Variants in PRDM9 observed in about 807,000 individuals in gnomAD.
The protein encoded by PRDM9 is histone-lysine N-methyltransferase PRDM9.
Under a neutral mutation model 55.6 loss-of-function variants are expected in PRDM9, and 47 were observed. The ratio of observed to expected loss-of-function variants is 0.85; its 90% CI spans 0.67 to 1.08. PRDM9 has a LOEUF of 1.08. PRDM9 is among the 50% of genes least tolerant of loss of function. The pLI, the probability that PRDM9 is intolerant of heterozygous loss-of-function variation, is 0.00. For synonymous variants in PRDM9, 312 were observed against 375.7 expected (o/e 0.83, Z 1.96); for missense variants, 867 against 1,040.3 (o/e 0.83, Z 2.29).
intron 10 of PRDM9, among the ~76,000 whole-genome samples, chr5:23,524,817 T>G (rs191191536): frequency 3.3e-5 from 5 of 152,354 alleles, no homozygotes; most frequent in Admixed American, 6.5e-5. Flanking sequence ...CTCAAACACC[T>G]ACCAGCTCTC....
intron 4 of PRDM9, among the ~76,000 whole-genome samples, chr5:23,511,449 G>A (rs1212020248): frequency 3.3e-5 from 5 of 152,066 alleles, no homozygotes; most frequent in East Asian, 1.9e-4. Context: ...AAGTTCAAGC[G>A]ATTTTCCTGT....
Position 23,522,308 on chromosome 5 carries a change from C to T in PRDM9, c.513C>T (p.Leu171=). ...GTCTACTCTTCTCCAACCTAGAACT[C>T]AGGAAGAAGGAGACTGAAAGAAAGA... ...SGQHSRLKLE[L]RKKETERKMY... Residue 171 remains leucine, a synonymous_variant, in exon 7 of 11, where the codon CTC becomes CTT. Coordinates refer to ENST00000296682, the MANE Select transcript of PRDM9 (RefSeq NM_020227.4). The T allele has an allele frequency of 6.2e-7, 1 of 1,612,954 alleles. No individual in the cohort carries two copies. The highest frequency in any genetic ancestry group is 8.5e-7 in the Non-Finnish European group (1 of 1,179,020).
intron 6 of PRDM9, 121 bp downstream of exon 6, chr5:23,521,300 T>C: frequency 8.9e-7 from 1 of 1,122,688 alleles, no homozygotes; most frequent in Non-Finnish European, 1.3e-6. Context: ...GACTCAACTG[T>C]GAGACCAGAA....
At chr5:23,507,316 G>A (rs551534186), upstream of PRDM9, 1 of 152,386 alleles carries the variant, frequency 6.6e-6, no homozygotes, top group African/African-American at 2.4e-5. Context: ...CACCGGAGTT[G>A]GGGAAAACCA....
rs188847714 is a variant in PRDM9, at chr5:23,507,911, A to G, written c.-85+199A>G. On this transcript the variant is annotated intron_variant, in intron 1 of 10. Coordinates refer to ENST00000296682, the MANE Select transcript of PRDM9 (RefSeq NM_020227.4). The stretch of plus-strand genomic sequence containing the variant: ...ATCCCTTCACCCAGAGGAACAGCGA[A>G]TCTCCTAATGCTTAGAGCACCAAAT... Among the ~76,000 whole-genome samples the G allele has an allele frequency of 7.7e-3, 1,171 of 152,034 alleles. 10 individuals are homozygous for G. The highest frequency in any genetic ancestry group is 0.011 in the Non-Finnish European group (771 of 67,990).
chr5:23,516,345 G>A (rs1739208807), intron 4 of PRDM9, among the ~76,000 whole-genome samples: 1 of 152,014 alleles, frequency 6.6e-6, no homozygotes, highest in Admixed American at 6.6e-5. Context: ...AACTGATTTG[G>A]GGTGTTGATT....
rs1376126364 is a variant in PRDM9 at position 23,522,763 on chromosome 5, C to T, written c.760C>T (p.Pro254Ser). The change falls in exon 8 of 11, where the codon CCT becomes TCT. Residue 254 changes from proline (P) to serine (S), a missense_variant. Pro to Ser is a moderately conservative substitution (Grantham distance 74). Transcript: ENST00000296682. ...PGLRIGPSGI[P>S]QAGLGVWNEA... ...GCTGAGAATTGGGCCATCAGGCATC[C>T]CTCAGGCTGGGCTTGGAGTATGGAA... is the stretch of plus-strand genomic sequence containing the variant. 1 of 1,614,224 alleles carries T rather than the reference C, an allele frequency of 6.2e-7. No homozygotes were observed. Among genetic ancestry groups the T allele is most frequent in the East Asian group, 2.2e-5 (1 of 44,862 alleles).
Position 23,508,960 on chromosome 5 carries a change from C to A in PRDM9, c.-74C>A. The A allele has an allele frequency of 1.3e-6, 2 of 1,557,324 alleles. No homozygotes were observed. The highest frequency in any genetic ancestry group is 1.4e-5 in the African/African-American group (1 of 73,530). On this transcript the variant is annotated 5_prime_UTR_variant, in exon 2 of 11. Coordinates refer to ENST00000296682, the MANE Select transcript of PRDM9 (RefSeq NM_020227.4). Reference sequence around the variant, plus strand: ...CTTCTCCTTCCACAGGAGCCTTTGGCCTAGGAGCTGGGAGACTCAGGGCCC... The same window carrying A: ...CTTCTCCTTCCACAGGAGCCTTTGGACTAGGAGCTGGGAGACTCAGGGCCC...
chr5:23,519,827 C>A (rs1409114657), intron 5 of PRDM9, among the ~76,000 whole-genome samples: 1 of 151,124 alleles, frequency 6.6e-6, no homozygotes, highest in Admixed American at 6.6e-5. Context: ...GCAGATCACC[C>A]GAAGTCAGGA....
chr5:23,519,226 AT>A (rs995861621), intron 5 of PRDM9, among the ~76,000 whole-genome samples: 1 of 151,296 alleles, frequency 6.6e-6, no homozygotes, highest in Non-Finnish European at 1.5e-5. Flanking sequence ...TGCCCAGCTG[AT>A]TTTTACGTTT....
chr5:23,512,561 C>G lies in PRDM9; in HGVS notation c.301+2534C>G, dbSNP rs16874447. Among the ~76,000 whole-genome samples the G allele has an allele frequency of 7.7e-3, 1,179 of 152,142 alleles. 18 individuals carry two copies. Among genetic ancestry groups the G allele is most frequent in the African/African-American group, 0.027 (1,122 of 41,522 alleles). On this transcript the variant is annotated intron_variant, in intron 4 of 10. Coordinates refer to ENST00000296682, the MANE Select transcript of PRDM9 (RefSeq NM_020227.4). Reference sequence around the variant, plus strand: ...CGGGAATCTATCTCCCATGGTTTACCACACATCTATACATCTTTATCTGAA... The same window carrying G: ...CGGGAATCTATCTCCCATGGTTTACGACACATCTATACATCTTTATCTGAA...
chr5:23,517,880 G>A lies in PRDM9; in HGVS notation c.302-1G>A. 6.3e-7 allele frequency: 1 copy of A among 1,593,916 alleles called. No homozygotes were observed. The highest frequency in any genetic ancestry group is 8.6e-7 in the Non-Finnish European group (1 of 1,161,610). Reference sequence around the variant, plus strand: ...ACCACTGATTTCTCATCACCTTTTAGTCAAACCTCCTTGGATGGCCTTAAG... The same window carrying A: ...ACCACTGATTTCTCATCACCTTTTAATCAAACCTCCTTGGATGGCCTTAAG... On this transcript the variant is annotated splice_acceptor_variant, in intron 4 of 10. Transcript: ENST00000296682. LOFTEE classifies it high-confidence loss of function.
At chr5:23,516,441 C>CTT (rs1739211261) in intron 4 of PRDM9, among the ~76,000 whole-genome samples, 1 of 151,658 alleles carries the variant, frequency 6.6e-6, no homozygotes, top group Non-Finnish European at 1.5e-5. Context: ...GGCGTGATAT[C>CTT]GGCTCACTGC....
intron 4 of PRDM9, among the ~76,000 whole-genome samples, chr5:23,514,134 T>C (rs1561017811): frequency 6.6e-6 from 1 of 152,252 alleles, no homozygotes; most frequent in Non-Finnish European, 1.5e-5. Context: ...TATTTTTATA[T>C]GCTTCTTAGC....
chr5:23,516,322 T>G (rs965132056), intron 4 of PRDM9, among the ~76,000 whole-genome samples: 2 of 152,200 alleles, frequency 1.3e-5, no homozygotes, highest in Admixed American at 1.3e-4. Context: ...TCATTGTTAC[T>G]AAATAGAAAC....
Position 23,526,811 on chromosome 5 carries a change from A to G in PRDM9, c.1723A>G (p.Thr575Ala). Residue 575 changes from threonine (T) to alanine (A), a missense_variant, in exon 11 of 11, where the codon ACA (threonine) becomes GCA (alanine). Coordinates refer to ENST00000296682, the MANE Select transcript of PRDM9 (RefSeq NM_020227.4). ...CCTCCTCATTCACCAGAGGATACAC[A>G]CAGGGGAGAAGCCCTATGTCTGCAG... ...SHLLIHQRIH[T>A]GEKPYVCREC... 2 of 1,591,414 alleles carry G rather than the reference A, an allele frequency of 1.3e-6. No individual in the cohort carries two copies. The highest frequency in any genetic ancestry group is 1.7e-6 in the Non-Finnish European group (2 of 1,169,842).
intron 9 of PRDM9, 126 bp from the exon 10 acceptor site, chr5:23,524,208 G>A: frequency 8.1e-7 from 1 of 1,237,612 alleles, no homozygotes; most frequent in South Asian, 1.2e-5. Context: ...GGTTCCCGGA[G>A]GAGTGGTGGG....
chr5:23,508,224 T>C (rs1457534999), intron 1 of PRDM9, among the ~76,000 whole-genome samples: 1 of 151,972 alleles, frequency 6.6e-6, no homozygotes, highest in African/African-American at 2.4e-5. Flanking sequence ...CAAATCCCCT[T>C]AACCTGATGA....
At chr5:23,514,147 T>G (rs1739154539) in intron 4 of PRDM9, among the ~76,000 whole-genome samples, 1 of 152,242 alleles carries the variant, frequency 6.6e-6, no homozygotes, top group Non-Finnish European at 1.5e-5. Flanking sequence ...TTCTTAGCCA[T>G]TTATGTATCT....
Sources: allele counts gnomAD v4.1 joint callset (sites outside exome capture counted in the v4.1 genomes callset), GRCh38; gene constraint gnomAD v4.1.1; transcripts MANE v1.5; gene names NCBI Gene and HGNC (gene_info 2026-07-23, HGNC 2026-07-21).